PCDHA6: variants seen among roughly 807,000 people sequenced by gnomAD.
PCDHA6 encodes the protein protocadherin alpha-6.
PCDHA6 carries 55 observed loss-of-function variants against 60.3 expected under a neutral mutation model. That is an observed-to-expected ratio of 0.91 (90% CI 0.73 to 1.14). PCDHA6 has a LOEUF of 1.14. PCDHA6 is among the 50% of genes most tolerant of loss of function. The pLI is 0.00. For synonymous variants in PCDHA6, 652 were observed against 557.9 expected (o/e 1.17, Z -2.38); for missense variants, 1,327 against 1,256.5 (o/e 1.06, Z -0.85).
At chr5:140,971,895 T>C (rs1554233682) in intron 1 of PCDHA6, among the ~76,000 whole-genome samples, 2 of 151,872 alleles carry the variant, frequency 1.3e-5, no homozygotes, top group Non-Finnish European at 2.9e-5. Context: ...TCAGGGAGGT[T>C]AGGTAATCTA....
chr5:140,856,499 T>A, intron 1 of PCDHA6: 1 of 1,598,458 alleles, frequency 6.3e-7, no homozygotes, highest in Non-Finnish European at 8.6e-7. Flanking sequence ...TGACTCTCGA[T>A]TTCCACTAGA....
chr5:140,870,145 G>A, intron 1 of PCDHA6: 1 of 1,614,088 alleles, frequency 6.2e-7, no homozygotes, highest in Non-Finnish European at 8.5e-7. Context: ...TAACTCTCCT[G>A]AAGTCGCCGT....
At chr5:140,967,750 C>T (rs782284231) in intron 1 of PCDHA6, 3 of 1,614,072 alleles carry the variant, frequency 1.9e-6, no homozygotes, top group Non-Finnish European at 8.5e-7. Flanking sequence ...ATGAGGAAGC[C>T]TCCTCCTACC....
chr5:140,924,945 A>T (rs200246310), intron 1 of PCDHA6, among the ~76,000 whole-genome samples: 4 of 64,382 alleles, frequency 6.2e-5, no homozygotes, highest in African/African-American at 1.9e-4. Context: ...ATAAAAAGTT[A>T]AAAAAAAAAT....
At chr5:141,008,347 G>A (rs551037675) in intron 3 of PCDHA6, among the ~76,000 whole-genome samples, 7 of 152,244 alleles carry the variant, frequency 4.6e-5, no homozygotes, top group South Asian at 2.1e-4. Flanking sequence ...AGCTTTTCAC[G>A]TGTCAACCAA....
chr5:140,875,685 C>A (rs563250653), intron 1 of PCDHA6: 1 of 1,613,934 alleles, frequency 6.2e-7, no homozygotes, highest in East Asian at 2.2e-5. Context: ...CCAAAAGACA[C>A]GGGGACCTTC....
At chr5:140,926,819 C>G in intron 1 of PCDHA6, 1 of 1,493,950 alleles carries the variant, frequency 6.7e-7, no homozygotes, top group Non-Finnish European at 8.9e-7. Context: ...CTCGTGCTCT[C>G]CAGGAGTCCG....
rs782141223 is a variant in PCDHA6, at chr5:140,929,191, AAC to A, written c.2395-49756_2395-49755del. On this transcript the variant is annotated intron_variant, in intron 1 of 3. Transcript: ENST00000529310. ...CTCTCTGGGACTTGGTTCTGATAAT[AAC>A]AGTTTGCTGTTGCGTGGGGAGTACA... is the stretch of plus-strand genomic sequence containing the variant. 3.1e-6 allele frequency: 5 copies of A among 1,614,000 alleles called. No homozygotes were observed. In the African/African-American group the frequency reaches 6.7e-5, roughly 22 times the overall value.
rs555838945 is a variant in PCDHA6, at chr5:140,927,094, G to A, written c.2395-51855G>A. On this transcript the variant is annotated intron_variant, in intron 1 of 3. Coordinates refer to ENST00000529310, the MANE Select transcript of PCDHA6 (RefSeq NM_018909.4). ...CAGCCACCGCGAGCTCTACTTCGGG[G>A]TGGATCTACCCAGCGGCAATTTGGT... 5 of 1,612,890 alleles carry A rather than the reference G, an allele frequency of 3.1e-6. No homozygotes were observed. In the Admixed American group the frequency reaches 8.3e-5, roughly 27 times the overall value.
intron 1 of PCDHA6, chr5:140,843,780 GT>G: frequency 7.0e-7 from 1 of 1,429,410 alleles, no homozygotes; most frequent in Non-Finnish European, 9.6e-7. Context: ...CTTTAAAAGT[GT>G]TTCAGATTTA....
rs2150184620 is a variant in PCDHA6, at chr5:140,830,293, G to A, written c.2202G>A (p.Ala734=). The A allele has an allele frequency of 1.9e-6, 3 of 1,613,856 alleles. No homozygotes were observed. Among genetic ancestry groups the A allele is most frequent in the Non-Finnish European group, 2.5e-6 (3 of 1,179,870 alleles). The change falls in exon 1 of 4, where the codon GCG becomes GCA. Residue 734 remains alanine (A), a synonymous_variant. Coordinates refer to ENST00000529310, the MANE Select transcript of PCDHA6 (RefSeq NM_018909.4). The part of the protein sequence containing the change: ...SAPPTEGACT[A]DKPTLVCSSA... ...CACCCACCGAGGGCGCGTGCACGGCGGACAAGCCCACGCTGGTGTGCTCCA... is the reference window on the plus strand; with the variant it reads ...CACCCACCGAGGGCGCGTGCACGGCAGACAAGCCCACGCTGGTGTGCTCCA...
At chr5:140,950,548 G>T (rs1363394631) in intron 1 of PCDHA6, among the ~76,000 whole-genome samples, 2 of 151,990 alleles carry the variant, frequency 1.3e-5, no homozygotes, top group African/African-American at 4.8e-5. Context: ...TTGCATGGCT[G>T]GGGGGACACT....
Position 141,011,476 on chromosome 5 carries a change from A to G in PCDHA6, c.*1539A>G, listed in dbSNP as rs2098420741. On this transcript the variant is annotated 3_prime_UTR_variant, in exon 4 of 4. Coordinates refer to ENST00000529310, the MANE Select transcript of PCDHA6 (RefSeq NM_018909.4). ...CTTTATTGTTGAATGTAATTCCATT[A>G]TATTTCCTTTTGTACACCTGTGAAA... 1 of 153,776 alleles carries G rather than the reference A, an allele frequency of 6.5e-6. No homozygotes were observed. 9.5% of individuals were successfully genotyped at this position (153,776 alleles called of 1,614,324 possible). A position where few individuals can be genotyped will look rare whatever the true frequency, so the allele number is the denominator to read the frequency against.
chr5:141,002,614 T>C (rs2098088159), intron 3 of PCDHA6, among the ~76,000 whole-genome samples: 1 of 152,130 alleles, frequency 6.6e-6, no homozygotes, highest in Non-Finnish European at 1.5e-5. Context: ...AACAGACACA[T>C]AACACAGACA....
intron 1 of PCDHA6, chr5:140,835,164 G>A: frequency 8.8e-6 from 13 of 1,477,492 alleles, no homozygotes; most frequent in Non-Finnish European, 1.2e-5. Context: ...CGGAACGCTG[G>A]TGATTCACCC....
rs2097783097 is a variant in PCDHA6, at chr5:140,997,727, C to T, written c.2543-11900C>T. Reference sequence around the variant, plus strand: ...TAACAAACACCTTTCTACGTCAGTACATATAGATTTGCCACAATCTTCTTG... The same window carrying T: ...TAACAAACACCTTTCTACGTCAGTATATATAGATTTGCCACAATCTTCTTG... On this transcript the variant is annotated intron_variant, in intron 3 of 3. Coordinates refer to ENST00000529310, the MANE Select transcript of PCDHA6 (RefSeq NM_018909.4). Among the ~76,000 whole-genome samples the T allele has an allele frequency of 2.0e-5, 3 of 151,244 alleles. No individual in the cohort carries two copies. In the South Asian group the frequency reaches 6.3e-4, roughly 32 times the overall value.
At chr5:140,883,786 C>G in intron 1 of PCDHA6, 1 of 1,612,422 alleles carries the variant, frequency 6.2e-7, no homozygotes, top group Admixed American at 1.7e-5. Flanking sequence ...CGCTGTCGAG[C>G]TACGTGTCGG....
At position 140,832,887 on chromosome 5, in the gene PCDHA6, G is replaced by C. The variant is rs118038864; in HGVS notation, c.2394+2402G>C. Among the ~76,000 whole-genome samples, 50 of 152,256 alleles carry C rather than the reference G, an allele frequency of 3.3e-4. No homozygotes were observed. The East Asian group carries it at 9.3e-3, about 28-fold the overall frequency. Reference sequence around the variant, plus strand: ...TGTTTTACTGGTTATAAAATGGAAAGAGTTTTCCCTGGGAGAATATGGAGA... The same window carrying C: ...TGTTTTACTGGTTATAAAATGGAAACAGTTTTCCCTGGGAGAATATGGAGA... On this transcript the variant is annotated intron_variant, in intron 1 of 3. Coordinates refer to ENST00000529310, the MANE Select transcript of PCDHA6 (RefSeq NM_018909.4).
chr5:140,930,072 C>G (rs2086579078), intron 1 of PCDHA6: 1 of 152,132 alleles, frequency 6.6e-6, no homozygotes, highest in Admixed American at 6.5e-5. Flanking sequence ...AACTGTAAGC[C>G]TCTCTCATAA....
Sources: allele counts gnomAD v4.1 joint callset (sites outside exome capture counted in the v4.1 genomes callset), GRCh38; gene constraint gnomAD v4.1.1; transcripts MANE v1.5; gene names NCBI Gene and HGNC (gene_info 2026-07-23, HGNC 2026-07-21).